Variants in KAZN observed in about 807,000 individuals in gnomAD.
The protein encoded by KAZN is kazrin.
In KAZN, 40 loss-of-function variants were observed where a neutral mutation model predicts 87.4. The observed-to-expected ratio is 0.46, with a 90% CI of 0.36 to 0.60. The LOEUF is 0.60. KAZN is among the 20% of genes least tolerant of loss of function. The pLI is 0.00. For missense variants in KAZN, 898 were observed against 1,073.9 expected (o/e 0.84, Z 2.29); for synonymous variants, 466 against 458.3 (o/e 1.02, Z -0.22).
At chr1:14,581,532 G>A (rs999676532) in intron 2 of KAZN, among the ~76,000 whole-genome samples, 8 of 152,154 alleles carry the variant, frequency 5.3e-5, no homozygotes, top group African/African-American at 9.7e-5. Context: ...GCCACACAGC[G>A]TGCCAAAGCA....
chr1:14,505,665 G>A (rs1267685488), intron 2 of KAZN, among the ~76,000 whole-genome samples: 1 of 152,136 alleles, frequency 6.6e-6, no homozygotes, highest in Non-Finnish European at 1.5e-5. Flanking sequence ...TGCACAAGGA[G>A]TTTCAGTTTG....
intron 2 of KAZN, among the ~76,000 whole-genome samples, chr1:14,385,276 T>A (rs909412267): frequency 7.9e-5 from 12 of 152,244 alleles, no homozygotes; most frequent in African/African-American, 2.9e-4. Context: ...CCTGGATTCA[T>A]TAATTTTTTG....
intron 2 of KAZN, among the ~76,000 whole-genome samples, chr1:14,227,433 A>G (rs1647391849): frequency 6.6e-6 from 1 of 152,060 alleles, no homozygotes; most frequent in African/African-American, 2.4e-5. Context: ...TCTCTGCTTC[A>G]CTCACTCACC....
intron 1 of KAZN, among the ~76,000 whole-genome samples, chr1:14,728,833 T>C (rs1027334842): frequency 1.3e-5 from 2 of 151,794 alleles, no homozygotes; most frequent in Admixed American, 1.3e-4. Context: ...AAAATGGGGG[T>C]AGTAGTAATC....
chr1:14,145,768 A>G (rs1195781022), intron 1 of KAZN, among the ~76,000 whole-genome samples: 1 of 152,072 alleles, frequency 6.6e-6, no homozygotes, highest in Non-Finnish European at 1.5e-5. Context: ...TTTAGTAGAG[A>G]CAGGGTTTCG....
At chr1:14,343,716 A>C (rs1211779184) in intron 2 of KAZN, among the ~76,000 whole-genome samples, 1 of 152,226 alleles carries the variant, frequency 6.6e-6, no homozygotes, top group Non-Finnish European at 1.5e-5. Context: ...GTTTGCAAAC[A>C]AATCGAATTT....
intron 2 of KAZN, among the ~76,000 whole-genome samples, chr1:14,374,720 C>G (rs1228868016): frequency 6.6e-6 from 1 of 152,140 alleles, no homozygotes; most frequent in Admixed American, 6.5e-5. Flanking sequence ...GATTCCTGGT[C>G]AGGACCGCGG....
rs78967410 is a variant in KAZN, at chr1:14,419,856, C to T, written c.250-179127C>T. On this transcript the variant is annotated intron_variant, in intron 2 of 16. Coordinates refer to the KAZN transcript ENST00000636203. ...GAAGTGAAGCCAGACACCTTTGCGGCGAGTATTACAGCTCGCACAGACAGT... is the reference window on the plus strand; with the variant it reads ...GAAGTGAAGCCAGACACCTTTGCGGTGAGTATTACAGCTCGCACAGACAGT... Among the ~76,000 whole-genome samples, 30 of 152,106 alleles carry T rather than the reference C, an allele frequency of 2.0e-4. No homozygotes were observed. In the East Asian group the frequency reaches 5.2e-3, roughly 27 times the overall value.
chr1:14,578,036 C>T (rs765566331), intron 2 of KAZN, among the ~76,000 whole-genome samples: 5 of 152,074 alleles, frequency 3.3e-5, no homozygotes, highest in Non-Finnish European at 5.9e-5. Context: ...TCTTCTCACC[C>T]GTACACTGAG....
At chr1:14,040,725 A>T (rs1020058295) in intron 1 of KAZN, among the ~76,000 whole-genome samples, 1 of 151,916 alleles carries the variant, frequency 6.6e-6, no homozygotes, top group Admixed American at 6.6e-5. Flanking sequence ...AGATCGCACC[A>T]CTGCACTCTA....
At chr1:13,939,036 T>C (rs1481303054) in intron 1 of KAZN, among the ~76,000 whole-genome samples, 13 of 152,336 alleles carry the variant, frequency 8.5e-5, no homozygotes, top group African/African-American at 2.9e-4. Flanking sequence ...GCCTTGCAGA[T>C]CTTTGGAGTG....
intron 2 of KAZN, among the ~76,000 whole-genome samples, chr1:15,011,181 A>G (rs1573055092): frequency 6.6e-6 from 1 of 152,214 alleles, no homozygotes; most frequent in Non-Finnish European, 1.5e-5. Flanking sequence ...GCTAATGAGA[A>G]GACTGAGCCC....
chr1:14,342,145 C>T (rs1351825596), intron 2 of KAZN, among the ~76,000 whole-genome samples: 4 of 152,190 alleles, frequency 2.6e-5, no homozygotes, highest in Non-Finnish European at 1.5e-5. Context: ...ATCCATGTCC[C>T]TGCAAAGGAC....
chr1:14,579,427 C>T (rs1675391796), intron 2 of KAZN, among the ~76,000 whole-genome samples: 1 of 152,066 alleles, frequency 6.6e-6, no homozygotes, highest in Non-Finnish European at 1.5e-5. Context: ...AGATTGAGAC[C>T]ACCCTGGCTA....
At chr1:14,621,391 C>G (rs149513165) in intron 1 of KAZN, among the ~76,000 whole-genome samples, 126 of 152,322 alleles carry the variant, frequency 8.3e-4, no homozygotes, top group Middle Eastern at 3.4e-3. Context: ...TTAAGAAAAG[C>G]TCTGACTCTA....
At chr1:13,988,650 G>A (rs1446574879) in intron 1 of KAZN, among the ~76,000 whole-genome samples, 1 of 152,152 alleles carries the variant, frequency 6.6e-6, no homozygotes, top group African/African-American at 2.4e-5. Flanking sequence ...AGAGAGACTG[G>A]GAAATACAGT....
At chr1:14,426,871 C>G (rs930132792) in intron 2 of KAZN, among the ~76,000 whole-genome samples, 2 of 152,208 alleles carry the variant, frequency 1.3e-5, no homozygotes, top group Admixed American at 1.3e-4. Context: ...CTGAGCCCTC[C>G]TGTCCCTTTG....
rs898434177 is a variant in KAZN at position 14,493,316 on chromosome 1, G to A, written c.250-105667G>A. ...CTCAATGAGTATTTGCTGAAAGAAC[G>A]GAAGATGAAAGCAACACCTGGTGTG... On this transcript the variant is annotated intron_variant, in intron 2 of 16. Coordinates refer to the KAZN transcript ENST00000636203. Among the ~76,000 whole-genome samples, 9 of 152,186 alleles carry A rather than the reference G, an allele frequency of 5.9e-5. No individual in the cohort carries two copies. The South Asian group carries it at 6.2e-4, about 10-fold the overall frequency.
chr1:14,577,205 C>A (rs935067636), intron 2 of KAZN, among the ~76,000 whole-genome samples: 2 of 152,182 alleles, frequency 1.3e-5, no homozygotes, highest in Admixed American at 6.5e-5. Context: ...ATACATCTGA[C>A]AATGGCATAC....
Sources: allele counts gnomAD v4.1 joint callset (sites outside exome capture counted in the v4.1 genomes callset), GRCh38; gene constraint gnomAD v4.1.1; transcripts MANE v1.5; gene names NCBI Gene and HGNC (gene_info 2026-07-23, HGNC 2026-07-21).